PCDHGB1: variants seen among roughly 807,000 people sequenced by gnomAD.
PCDHGB1 encodes the protein protocadherin gamma subfamily B, 1, also known as protocadherin gamma-B1.
In PCDHGB1, 34 loss-of-function variants were observed where a neutral mutation model predicts 56.6. The observed-to-expected ratio is 0.60, with a 90% CI of 0.46 to 0.80. PCDHGB1 has a LOEUF of 0.80. Ranked by LOEUF, PCDHGB1 falls within the 30% of genes least tolerant of loss-of-function variation. The pLI is 0.00. For missense variants in PCDHGB1, 1,278 were observed against 1,204.6 expected (o/e 1.06, Z -0.90); for synonymous variants, 561 against 505.9 (o/e 1.11, Z -1.46).
intron 1 of PCDHGB1, among the ~76,000 whole-genome samples, chr5:141,368,493 C>G (rs1765685117): frequency 1.3e-5 from 2 of 152,068 alleles, no homozygotes; most frequent in South Asian, 4.1e-4. Flanking sequence ...AGAATCTATA[C>G]AGTAGGTGTC....
intron 1 of PCDHGB1, chr5:141,403,123 G>A: frequency 6.2e-7 from 1 of 1,614,066 alleles, no homozygotes; most frequent in Non-Finnish European, 8.5e-7. Context: ...TGGAGCCCCG[G>A]GAGCTGGCGG....
chr5:141,418,707 G>T (rs2096282239), intron 1 of PCDHGB1: 1 of 1,614,016 alleles, frequency 6.2e-7, no homozygotes, highest in Non-Finnish European at 8.5e-7. Context: ...TCCTTCTTTG[G>T]TGTGGCTGAC....
Position 141,357,965 on chromosome 5 carries a change from G to A in PCDHGB1, c.2409+5296G>A, listed in dbSNP as rs1265962605. Among the ~76,000 whole-genome samples, 3 of 152,122 alleles carry A rather than the reference G, an allele frequency of 2.0e-5. No homozygotes were observed. In the East Asian group the frequency reaches 5.8e-4, roughly 29 times the overall value. On this transcript the variant is annotated intron_variant, in intron 1 of 3. Coordinates refer to ENST00000523390, the MANE Select transcript of PCDHGB1 (RefSeq NM_018922.3). ...AACACTTTGGGAGTGTGAGGAGGAC[G>A]GATTGCCTGAGCTCAGGAGTTCGAG...
intron 1 of PCDHGB1, chr5:141,393,030 C>T (rs1376617687): frequency 1.2e-6 from 2 of 1,613,780 alleles, no homozygotes; most frequent in Admixed American, 3.3e-5. Context: ...AGGTAGGACG[C>T]AGCTCTTTGC....
At chr5:141,409,098 G>A in intron 1 of PCDHGB1, 2 of 1,613,994 alleles carry the variant, frequency 1.2e-6, no homozygotes, top group Non-Finnish European at 1.7e-6. Flanking sequence ...GAGAAAACAG[G>A]TATGATTAAG....
Position 141,430,721 on chromosome 5 carries a change from T to C in PCDHGB1, c.2410-64086T>C, listed in dbSNP as rs2097305223. The C allele has an allele frequency of 3.4e-6, 5 of 1,489,270 alleles. No homozygotes were observed. The South Asian group carries it at 7.3e-5, about 22-fold the overall frequency. 92.3% of individuals were successfully genotyped at this position (1,489,270 alleles called of 1,614,324 possible). A position where few individuals can be genotyped will look rare whatever the true frequency, so the allele number is the denominator to read the frequency against. On this transcript the variant is annotated intron_variant, in intron 1 of 3. Coordinates refer to ENST00000523390, the MANE Select transcript of PCDHGB1 (RefSeq NM_018922.3). ...AGGAACTGCTCCTGACTTCAGTGGT[T>C]AAGGGCAGAATTGAAAATAATTCTG...
At chr5:141,368,149 A>G (rs1022944602) in intron 1 of PCDHGB1, among the ~76,000 whole-genome samples, 6 of 152,184 alleles carry the variant, frequency 3.9e-5, no homozygotes, top group African/African-American at 1.4e-4. Context: ...TTGTACTTTT[A>G]AAACCTTGAG....
At chr5:141,420,651 T>A (rs1357679146) in intron 1 of PCDHGB1, among the ~76,000 whole-genome samples, 1 of 152,274 alleles carries the variant, frequency 6.6e-6, no homozygotes, top group East Asian at 1.9e-4. Flanking sequence ...GTAAGAATTA[T>A]AGTTAGGCAT....
At chr5:141,357,213 C>T in intron 1 of PCDHGB1, 3 of 1,613,884 alleles carry the variant, frequency 1.9e-6, no homozygotes, top group Non-Finnish European at 2.5e-6. Flanking sequence ...TCCCAGATGT[C>T]CTGGCTGACT....
At chr5:141,435,214 AC>A (rs1332585721) in intron 1 of PCDHGB1, among the ~76,000 whole-genome samples, 1 of 152,176 alleles carries the variant, frequency 6.6e-6, no homozygotes, top group African/African-American at 2.4e-5. Flanking sequence ...AAGTGAATTT[AC>A]TTTCTTTCAA....
intron 1 of PCDHGB1, chr5:141,387,731 C>A (rs909205011): frequency 6.4e-6 from 8 of 1,254,262 alleles, no homozygotes; most frequent in East Asian, 2.5e-5. Flanking sequence ...CCAGCGCCAG[C>A]CTTTACACCG....
chr5:141,425,483 C>A (rs1172308088), intron 1 of PCDHGB1, among the ~76,000 whole-genome samples: 2 of 152,304 alleles, frequency 1.3e-5, no homozygotes, highest in Non-Finnish European at 2.9e-5. Flanking sequence ...CTATGGCAAC[C>A]TACTAGGCTA....
At chr5:141,413,572 A>C in intron 1 of PCDHGB1, 2 of 1,613,890 alleles carry the variant, frequency 1.2e-6, no homozygotes, top group Non-Finnish European at 1.7e-6. Context: ...TATCAATGAC[A>C]ATGCTCCAAA....
In PCDHGB1 at chr5:141,472,994, A is replaced by G. The variant is rs188075835; in HGVS notation, c.2410-21813A>G. Among the ~76,000 whole-genome samples, 1,141 of 151,802 alleles carry G rather than the reference A, an allele frequency of 7.5e-3. 5 individuals carry two copies. The highest frequency in any genetic ancestry group is 0.017 in the Middle Eastern group (5 of 294). ...AGAGTGAAACTCAAAAAAAAAAAAA[A>G]AAAGAAAGAAAAAGAAAAAGAAAGA... On this transcript the variant is annotated intron_variant, in intron 1 of 3. Transcript: ENST00000523390.
chr5:141,400,282 G>T (rs774476991), intron 1 of PCDHGB1: 2 of 1,613,974 alleles, frequency 1.2e-6, no homozygotes, highest in Non-Finnish European at 1.7e-6. Context: ...CAGCCCTGCC[G>T]CCTGGAGCTG....
chr5:141,414,263 A>G, intron 1 of PCDHGB1: 1 of 1,613,500 alleles, frequency 6.2e-7, no homozygotes, highest in Non-Finnish European at 8.5e-7. Flanking sequence ...GTGACTGAAG[A>G]TTCACCTCTG....
chr5:141,402,789 T>C (rs1047869740), intron 1 of PCDHGB1: 2 of 952,520 alleles, frequency 2.1e-6, no homozygotes, highest in South Asian at 4.2e-5. Context: ...GTTCTGCGGC[T>C]ACACAAAACC....
At position 141,487,116 on chromosome 5, in the gene PCDHGB1, A is replaced by G. The variant is rs749256818; in HGVS notation, c.2410-7691A>G. On this transcript the variant is annotated intron_variant, in intron 1 of 3. Transcript: ENST00000523390. This position sits in a 1 kb window ranked among gnomAD's most constrained non-coding sequence, Gnocchi z 5.0. ...CCACAGAAGCTGGTCATTGTGGTAA[A>G]GGATAGTGGTAGTCCACCACTCTCT... The G allele has an allele frequency of 3.1e-6, 5 of 1,614,022 alleles. No individual in the cohort carries two copies.
chr5:141,397,625 G>A (rs558654986), intron 1 of PCDHGB1, among the ~76,000 whole-genome samples: 2 of 152,338 alleles, frequency 1.3e-5, no homozygotes, highest in South Asian at 4.1e-4. Flanking sequence ...CTTAGTTCTA[G>A]CTAAGAGTTC....
Sources: gnomAD v4.1 joint callset for allele counts (sites outside exome capture counted in the v4.1 genomes callset) on GRCh38, gnomAD v4.1.1 for gene constraint, Gnocchi (gnomAD v3.1) non-coding constraint, MANE v1.5 for transcripts, NCBI Gene and HGNC (gene_info 2026-07-23, HGNC 2026-07-21) for gene names.